The following PALM2AKAP2 variants were observed in gnomAD, a reference collection of about 807,000 sequenced individuals.
PALM2AKAP2 encodes PALM2-AKAP2 fusion protein.
In PALM2AKAP2, 37 loss-of-function variants were observed where a neutral mutation model predicts 71.5. The observed-to-expected ratio is 0.52, with a 90% CI of 0.40 to 0.68. The LOEUF (loss-of-function observed/expected upper bound fraction) is 0.68. PALM2AKAP2 is among the 30% of genes least tolerant of loss of function. The pLI is 0.00. For missense variants in PALM2AKAP2, 1,224 were observed against 1,191.8 expected, an observed-to-expected ratio of 1.03 and a Z score of -0.40; for synonymous variants, 468 against 478.8, an observed-to-expected ratio of 0.98 and a Z score of 0.29.
At chr9:109,655,412 C>T (rs1827288576) in intron 1 of PALM2AKAP2, among the ~76,000 whole-genome samples, 1 of 151,804 alleles carries the variant, frequency 6.6e-6, no homozygotes, top group African/African-American at 2.4e-5. Flanking sequence ...GTCTCTTTCT[C>T]TCTATATATA....
chr9:109,666,187 G>A (rs993172364), intron 1 of PALM2AKAP2, among the ~76,000 whole-genome samples: 3 of 152,130 alleles, frequency 2.0e-5, no homozygotes, highest in African/African-American at 7.2e-5. Flanking sequence ...ACCCTCTGTG[G>A]GCTGCATCCA....
At chr9:109,695,025 C>T (rs1397384053) in intron 1 of PALM2AKAP2, among the ~76,000 whole-genome samples, 2 of 151,950 alleles carry the variant, frequency 1.3e-5, no homozygotes, top group Admixed American at 6.6e-5. Flanking sequence ...CCTTATACCA[C>T]AATAAATTCC....
intron 1 of PALM2AKAP2, among the ~76,000 whole-genome samples, chr9:109,768,599 A>G (rs1450371808): frequency 2.0e-5 from 3 of 152,206 alleles, no homozygotes; most frequent in Admixed American, 6.5e-5. Flanking sequence ...AAGTAGTTCC[A>G]CACAGTCACA....
intron 1 of PALM2AKAP2, among the ~76,000 whole-genome samples, chr9:109,818,323 G>A (rs979847684): frequency 6.6e-6 from 1 of 152,040 alleles, no homozygotes; most frequent in South Asian, 2.1e-4. Context: ...AAACATAGGA[G>A]CTATGGGTAT....
intron 1 of PALM2AKAP2, among the ~76,000 whole-genome samples, chr9:109,764,599 A>T (rs1334061758): frequency 6.6e-6 from 1 of 152,144 alleles, no homozygotes; most frequent in Non-Finnish European, 1.5e-5. Context: ...GTATCAACTG[A>T]TTCCCAAAGA....
chr9:109,766,839 A>C (rs969197185), intron 1 of PALM2AKAP2, among the ~76,000 whole-genome samples: 1 of 152,204 alleles, frequency 6.6e-6, no homozygotes, highest in Non-Finnish European at 1.5e-5. Flanking sequence ...TGAGGCACAG[A>C]GAGGTTAAGT....
intron 6 of PALM2AKAP2, among the ~76,000 whole-genome samples, chr9:109,967,645 G>A (rs1358801457): frequency 1.3e-5 from 2 of 152,152 alleles, no homozygotes; most frequent in African/African-American, 4.8e-5. Context: ...CCTGAATTCA[G>A]GTGATCTGCC....
rs185768286 is a variant in PALM2AKAP2 at position 110,094,437 on chromosome 9, A to G, written c.157-41690A>G. ...AATACCTGAAACTGGGTAATTTATAAAGACAAGAGGTTTAACTGGCTCATG... is the reference window on the plus strand; with the variant it reads ...AATACCTGAAACTGGGTAATTTATAGAGACAAGAGGTTTAACTGGCTCATG... On this transcript the variant is annotated intron_variant, in intron 1 of 3. Coordinates refer to ENST00000374525, the Ensembl canonical transcript of PALM2AKAP2. Among the ~76,000 whole-genome samples the G allele has an allele frequency of 1.1e-4, 16 of 152,274 alleles. No individual in the cohort carries two copies. In the East Asian group the frequency reaches 3.1e-3, roughly 29 times the overall value.
intron 1 of PALM2AKAP2, among the ~76,000 whole-genome samples, chr9:109,748,679 G>C (rs1478867019): frequency 6.6e-6 from 1 of 152,152 alleles, no homozygotes; most frequent in African/African-American, 2.4e-5. Flanking sequence ...CTTTGATTTT[G>C]GGGTAGAGGG....
chr9:109,923,282 C>A (rs1830880036), intron 3 of PALM2AKAP2, among the ~76,000 whole-genome samples: 1 of 152,202 alleles, frequency 6.6e-6, no homozygotes, highest in African/African-American at 2.4e-5. Context: ...TACTGGCCAC[C>A]AGCTATTTCT....
chr9:110,101,728 C>T (rs548232667), intron 1 of PALM2AKAP2, among the ~76,000 whole-genome samples: 2 of 152,334 alleles, frequency 1.3e-5, no homozygotes, highest in East Asian at 3.9e-4. Context: ...AGCCTGAAAC[C>T]ATCTGCAGCT....
chr9:110,070,992 C>T (rs1004271982), intron 1 of PALM2AKAP2, among the ~76,000 whole-genome samples: 1 of 151,628 alleles, frequency 6.6e-6, no homozygotes, highest in Non-Finnish European at 1.5e-5. Context: ...TGAAACCCCG[C>T]CTCTACTAAA....
At chr9:109,828,340 A>AT (rs891408071) in intron 1 of PALM2AKAP2, among the ~76,000 whole-genome samples, 1 of 152,198 alleles carries the variant, frequency 6.6e-6, no homozygotes, top group Non-Finnish European at 1.5e-5. Flanking sequence ...ACCAAAATGC[A>AT]TTCTATTCCT....
chr9:109,775,322 C>T (rs1036401462), upstream of PALM2AKAP2, among the ~76,000 whole-genome samples: 2 of 152,214 alleles, frequency 1.3e-5, no homozygotes, highest in African/African-American at 4.8e-5. Flanking sequence ...AGACCTTAGC[C>T]ACTATATACC....
chr9:110,005,638 G>A (rs1832763240), intron 6 of PALM2AKAP2, among the ~76,000 whole-genome samples: 1 of 152,236 alleles, frequency 6.6e-6, no homozygotes, highest in Non-Finnish European at 1.5e-5. Context: ...AGTTTACAGA[G>A]GCAGGCAGGC....
intron 6 of PALM2AKAP2, among the ~76,000 whole-genome samples, chr9:109,932,763 T>C (rs1831135048): frequency 1.3e-5 from 2 of 152,198 alleles, no homozygotes; most frequent in African/African-American, 2.4e-5. Flanking sequence ...GGGGGTTAAA[T>C]GGAAAAATGA....
chr9:110,008,578 G>A (rs962683143), intron 6 of PALM2AKAP2, among the ~76,000 whole-genome samples: 3 of 152,138 alleles, frequency 2.0e-5, no homozygotes, highest in Non-Finnish European at 4.4e-5. Flanking sequence ...GGACTTGGAG[G>A]TTGATGGGGA....
intron 3 of PALM2AKAP2, 28 bp downstream of exon 3, chr9:109,880,709 A>G: frequency 6.2e-7 from 1 of 1,611,704 alleles, no homozygotes; most frequent in South Asian, 1.1e-5. Context: ...CAGGGAACCC[A>G]TGCTACAGTT....
At chr9:109,776,742 T>C (rs1289093878), upstream of PALM2AKAP2, among the ~76,000 whole-genome samples, 1 of 152,228 alleles carries the variant, frequency 6.6e-6, no homozygotes, top group East Asian at 1.9e-4. Flanking sequence ...AAAATGTGTA[T>C]ATGAACAAGT....
Sources: gnomAD v4.1 joint callset for allele counts (sites outside exome capture counted in the v4.1 genomes callset) on GRCh38, gnomAD v4.1.1 for gene constraint, MANE v1.5 for transcripts, NCBI Gene and HGNC (gene_info 2026-07-23, HGNC 2026-07-21) for gene names.